The following DOCK9 variants were observed in gnomAD, a reference collection of about 807,000 sequenced individuals.
DOCK9 encodes the protein dedicator of cytokinesis protein 9.
A neutral mutation model predicts 263.3 loss-of-function variants in DOCK9; 89 were observed. The ratio of observed to expected loss-of-function variants is 0.34; its 90% CI spans 0.28 to 0.40. The LOEUF (loss-of-function observed/expected upper bound fraction) is 0.40, where lower values mean the gene tolerates loss of function less well. Ranked by LOEUF, DOCK9 falls within the 10% of genes least tolerant of loss-of-function variation. DOCK9 has a pLI of 1.00. For synonymous variants in DOCK9, 976 were observed against 973.1 expected, an observed-to-expected ratio of 1.00 and a Z score of -0.06; for missense variants, 2,140 against 2,603.4, an observed-to-expected ratio of 0.82 and a Z score of 3.87.
chr13:99,008,381 C>A (rs560662043), intron 1 of DOCK9, among the ~76,000 whole-genome samples: 10 of 151,838 alleles, frequency 6.6e-5, no homozygotes, highest in African/African-American at 2.4e-4. Context: ...TTATAGGTGC[C>A]TGCCACCACA....
chr13:98,941,773 A>G (rs745359236), intron 2 of DOCK9, among the ~76,000 whole-genome samples: 1 of 152,104 alleles, frequency 6.6e-6, no homozygotes, highest in African/African-American at 2.4e-5. Context: ...GCAACTAAAA[A>G]CAGCCTCCTC....
Position 98,837,475 on chromosome 13 carries a change from A to G in DOCK9, c.4314+19T>C. On this transcript the variant is annotated intron_variant, in intron 39 of 52. Transcript: ENST00000682017. The stretch of plus-strand genomic sequence containing the variant: ...GTGAAAGGTAAAACTAGAACCACGA[A>G]CAGCAAATTGATACAAACCTTAAAC... 1 of 1,569,040 alleles carries G rather than the reference A, an allele frequency of 6.4e-7. No homozygotes were observed. Among genetic ancestry groups the G allele is most frequent in the Non-Finnish European group, 8.8e-7 (1 of 1,140,356 alleles).
chr13:98,983,085 T>C (rs1271375040), intron 1 of DOCK9, among the ~76,000 whole-genome samples: 1 of 152,200 alleles, frequency 6.6e-6, no homozygotes, highest in Non-Finnish European at 1.5e-5. Context: ...TTAGGGGTTC[T>C]TGGCATATCA....
At chr13:98,993,684 T>A (rs951894811) in intron 1 of DOCK9, among the ~76,000 whole-genome samples, 4 of 152,186 alleles carry the variant, frequency 2.6e-5, no homozygotes, top group African/African-American at 9.7e-5. Context: ...GAGCTTGCAG[T>A]AAGCTGAGAT....
intron 1 of DOCK9, among the ~76,000 whole-genome samples, chr13:99,043,772 T>A (rs9517565): frequency 0.27 from 41,321 of 151,924 alleles, 5,994 homozygotes; most frequent in East Asian, 0.43. Flanking sequence ...CTTACCCACA[T>A]CCTTTCCACA....
intron 38 of DOCK9, 88 bp from the exon 39 acceptor site, chr13:98,837,697 T>A: frequency 1.9e-6 from 1 of 527,004 alleles, no homozygotes; most frequent in Non-Finnish European, 2.9e-6. Flanking sequence ...CTTTTGATTA[T>A]TCAGAAGGCC....
chr13:99,013,188 TG>T (rs1211654726), intron 1 of DOCK9, among the ~76,000 whole-genome samples: 2 of 152,132 alleles, frequency 1.3e-5, no homozygotes, highest in Non-Finnish European at 2.9e-5. Flanking sequence ...ACTGTAAACT[TG>T]AACTCCTAGG....
At chr13:98,917,547 A>T (rs1451220843) in intron 7 of DOCK9, among the ~76,000 whole-genome samples, 1 of 152,146 alleles carries the variant, frequency 6.6e-6, no homozygotes, top group Non-Finnish European at 1.5e-5. Context: ...CATCCACATT[A>T]GCTGTTGACT....
chr13:98,914,436 A>T (rs917014588), intron 8 of DOCK9, 41 bp from the exon 9 acceptor site: 6 of 1,550,064 alleles, frequency 3.9e-6, no homozygotes, highest in Non-Finnish European at 5.3e-6. Flanking sequence ...CTTGTAATTC[A>T]TAGCATTTCA....
chr13:99,085,929 G>A (rs1301753888), intron 1 of DOCK9, among the ~76,000 whole-genome samples: 1 of 152,110 alleles, frequency 6.6e-6, no homozygotes, highest in Admixed American at 6.5e-5. Flanking sequence ...GAGAGAGCGG[G>A]GTGAAAAGAG....
chr13:98,832,988 T>G (rs1336545597), intron 39 of DOCK9: 1 of 151,004 alleles, frequency 6.6e-6, no homozygotes, highest in Non-Finnish European at 1.5e-5. Context: ...TAAGTTTTTG[T>G]TTTTTTTTAG....
chr13:98,865,245 GT>G (rs1167666581), intron 30 of DOCK9, among the ~76,000 whole-genome samples: 1 of 151,902 alleles, frequency 6.6e-6, no homozygotes, highest in Non-Finnish European at 1.5e-5. Context: ...TTTTGTTTCT[GT>G]TTTTTTGTAG....
intron 2 of DOCK9, among the ~76,000 whole-genome samples, chr13:98,933,673 G>A (rs1198925072): frequency 3.3e-5 from 5 of 152,100 alleles, no homozygotes; most frequent in East Asian, 1.9e-4. Flanking sequence ...CTATTTCTTC[G>A]TGCATGTCTT....
At chr13:99,056,179 T>A (rs2040913362) in intron 1 of DOCK9, among the ~76,000 whole-genome samples, 1 of 152,242 alleles carries the variant, frequency 6.6e-6, no homozygotes, top group Non-Finnish European at 1.5e-5. Context: ...AATGTTTTGA[T>A]CATTTTTAGA....
chr13:98,833,743 C>T (rs146203780), intron 39 of DOCK9, among the ~76,000 whole-genome samples: 5 of 152,368 alleles, frequency 3.3e-5, no homozygotes, highest in African/African-American at 7.2e-5. Flanking sequence ...GTCCCAGACA[C>T]ACCCCGGTTT....
intron 13 of DOCK9, among the ~76,000 whole-genome samples, chr13:98,900,189 C>T (rs1566905940): frequency 6.6e-6 from 1 of 152,168 alleles, no homozygotes; most frequent in East Asian, 1.9e-4. Flanking sequence ...AAAAAGCAGA[C>T]TTCAGCAGAT....
intron 1 of DOCK9, among the ~76,000 whole-genome samples, chr13:99,006,748 C>T (rs1007767903): frequency 2.0e-5 from 3 of 152,132 alleles, no homozygotes; most frequent in Non-Finnish European, 2.9e-5. Flanking sequence ...AAATTTTCTA[C>T]AGTACTTATG....
At chr13:99,009,155 A>G (rs550690504) in intron 1 of DOCK9, among the ~76,000 whole-genome samples, 100 of 152,372 alleles carry the variant, frequency 6.6e-4, no homozygotes, top group African/African-American at 2.3e-3. Flanking sequence ...ATAAGACAGT[A>G]TATTTTAACA....
chr13:98,854,523 C>T (rs1168698424), intron 34 of DOCK9: 3 of 152,162 alleles, frequency 2.0e-5, no homozygotes, highest in African/African-American at 7.2e-5. Flanking sequence ...TGGATGCACC[C>T]TCTGGCCTGC....
Sources: allele counts gnomAD v4.1 joint callset (sites outside exome capture counted in the v4.1 genomes callset), GRCh38; gene constraint gnomAD v4.1.1; transcripts MANE v1.5; gene names NCBI Gene and HGNC (gene_info 2026-07-23, HGNC 2026-07-21).